Variants in RYR2 observed in about 807,000 individuals in gnomAD.
RYR2 encodes the protein ryanodine receptor 2, also known as cardiac muscle ryanodine receptor-calcium release channel.
RYR2 carries 227 observed loss-of-function variants against 601.1 expected under a neutral mutation model. That is an observed-to-expected ratio of 0.38 (90% confidence interval 0.34 to 0.42). The LOEUF (loss-of-function observed/expected upper bound fraction) is 0.42. RYR2 is among the 10% of genes least tolerant of loss of function. The probability of loss-of-function intolerance (pLI) is 1.00; values close to 1 mark genes in which losing one functional copy is unlikely to be tolerated. For missense variants in RYR2, 4,646 were observed against 6,156.5 expected, an observed-to-expected ratio of 0.75 and a Z score of 8.21; for synonymous variants, 2,223 against 2,175.1, an observed-to-expected ratio of 1.02 and a Z score of -0.61.
chr1:237,228,818 A>T (rs144989420), intron 1 of RYR2, among the ~76,000 whole-genome samples: 3 of 152,234 alleles, frequency 2.0e-5, no homozygotes, highest in African/African-American at 7.2e-5. Flanking sequence ...ATTAAGTGTT[A>T]TCAGATGCCC....
intron 24 of RYR2, among the ~76,000 whole-genome samples, chr1:237,523,292 C>T (rs1572709158): frequency 6.6e-6 from 1 of 152,074 alleles, no homozygotes; most frequent in South Asian, 2.1e-4. Flanking sequence ...AGACAGGCCA[C>T]CAGCTGGGAG....
chr1:237,397,724 CTTT>C (rs71561869), intron 10 of RYR2, among the ~76,000 whole-genome samples: 1 of 140,968 alleles, frequency 7.1e-6, no homozygotes, highest in Non-Finnish European at 1.5e-5. Context: ...AATTTGGTAT[CTTT>C]TTTTTTTTTT....
chr1:237,500,283 G>A (rs1274547919), intron 20 of RYR2, among the ~76,000 whole-genome samples: 1 of 152,154 alleles, frequency 6.6e-6, no homozygotes, highest in Non-Finnish European at 1.5e-5. Flanking sequence ...ACTAAACAAG[G>A]TGATGGTACT....
chr1:237,349,430 G>T (rs997298754), intron 3 of RYR2, among the ~76,000 whole-genome samples: 1 of 152,112 alleles, frequency 6.6e-6, no homozygotes, highest in African/African-American at 2.4e-5. Context: ...CAGGAGATGG[G>T]GTTCTTCAGG....
intron 88 of RYR2, among the ~76,000 whole-genome samples, chr1:237,780,243 T>C (rs73103907): frequency 1.8e-3 from 271 of 152,308 alleles, no homozygotes; most frequent in African/African-American, 6.2e-3. Flanking sequence ...TATGGAGTTA[T>C]TGGTGACTTC....
rs541349665 is a variant in RYR2 at position 237,454,305 on chromosome 1, G to A, written c.1293-86G>A. On this transcript the variant is annotated intron_variant, in intron 14 of 104. Transcript: ENST00000366574. ...CCTTTTACAGTGATGTAGGGAGAGAGATTAATGCCTGAAATCATCTATAAA... is the reference window on the plus strand; with the variant it reads ...CCTTTTACAGTGATGTAGGGAGAGAAATTAATGCCTGAAATCATCTATAAA... 10 of 1,362,294 alleles carry A rather than the reference G, an allele frequency of 7.3e-6. No homozygotes were observed. In the African/African-American group the frequency reaches 1.2e-4, roughly 16 times the overall value. 84.4% of individuals were successfully genotyped at this position (1,362,294 alleles called of 1,614,324 possible).
intron 27 of RYR2, among the ~76,000 whole-genome samples, chr1:237,552,865 ATAAT>A (rs1302167511): frequency 1.3e-5 from 2 of 151,972 alleles, no homozygotes; most frequent in Non-Finnish European, 2.9e-5. Flanking sequence ...ATCTTGGTAT[ATAAT>A]TAATATAATT....
chr1:237,486,162 T>C (rs749407325), intron 17 of RYR2, among the ~76,000 whole-genome samples: 4 of 152,210 alleles, frequency 2.6e-5, no homozygotes, highest in Non-Finnish European at 5.9e-5. Flanking sequence ...AGAGAAGCAA[T>C]TTTACATATA....
intron 3 of RYR2, among the ~76,000 whole-genome samples, chr1:237,347,440 A>G (rs945524274): frequency 1.3e-5 from 2 of 152,154 alleles, no homozygotes; most frequent in Non-Finnish European, 2.9e-5. Flanking sequence ...TGCTTGTTGA[A>G]ATGTAATTGA....
intron 56 of RYR2, 111 bp downstream of exon 56, chr1:237,661,058 A>G: frequency 9.3e-7 from 1 of 1,077,334 alleles, no homozygotes; most frequent in Non-Finnish European, 1.2e-6. Flanking sequence ...CTGAAGAGTC[A>G]CAAAATTTAG....
intron 50 of RYR2, 28 bp downstream of exon 50, chr1:237,650,125 C>T: frequency 1.3e-6 from 2 of 1,582,210 alleles, no homozygotes; most frequent in Non-Finnish European, 8.6e-7. Flanking sequence ...TCTATTCCGG[C>T]TTCTTCTTTA....
At position 237,445,170 on chromosome 1, in the gene RYR2, A is replaced by G. The variant is rs1436953653; in HGVS notation, c.1171-231A>G. Among the ~76,000 whole-genome samples the G allele has an allele frequency of 2.6e-5, 4 of 151,994 alleles. No homozygotes were observed. In the South Asian group the frequency reaches 6.2e-4, roughly 24 times the overall value. On this transcript the variant is annotated intron_variant, in intron 13 of 104. Coordinates refer to ENST00000366574, the MANE Select transcript of RYR2 (RefSeq NM_001035.3). The stretch of plus-strand genomic sequence containing the variant: ...CAAGACCAGCCTGGGCAACATAGCA[A>G]GACCCCATCTCAAAAAAATGAAGTA...
chr1:237,782,483 G>T (rs554222852), intron 89 of RYR2, among the ~76,000 whole-genome samples: 1 of 152,058 alleles, frequency 6.6e-6, no homozygotes, highest in Non-Finnish European at 1.5e-5. Flanking sequence ...CATACATGGC[G>T]TAACTCCACT....
chr1:237,430,279 A>G (rs985533876), intron 12 of RYR2, among the ~76,000 whole-genome samples: 12 of 151,394 alleles, frequency 7.9e-5, no homozygotes, highest in African/African-American at 2.9e-4. Flanking sequence ...ATAACAATAT[A>G]TTGATCTGGA....
At chr1:237,505,510 C>T (rs1665128603) in intron 22 of RYR2, among the ~76,000 whole-genome samples, 1 of 152,138 alleles carries the variant, frequency 6.6e-6, no homozygotes, top group Non-Finnish European at 1.5e-5. Context: ...TTAAAATAAA[C>T]ATGCAAACAT....
chr1:237,634,715 A>AT (rs1680693475), intron 43 of RYR2, among the ~76,000 whole-genome samples, 174 bp from the exon 44 acceptor site: 2 of 148,412 alleles, frequency 1.3e-5, no homozygotes, highest in Admixed American at 6.8e-5. Context: ...AATATATACA[A>AT]TTTTTATTTG....
rs1573368035 is a variant in RYR2 at position 237,655,801 on chromosome 1, TGGTCCTCCA to T, written c.7966-19_7966-11del. ...TTTGCCATATAGTAATTTTTTTTTTTGGTCCTCCATTTTTCCCAGAAATATGAACAAGAA... is the reference window on the plus strand; with the variant it reads ...TTTGCCATATAGTAATTTTTTTTTTTTTTTTCCCAGAAATATGAACAAGAA... On this transcript the variant is annotated splice_polypyrimidine_tract_variant and intron_variant, in intron 52 of 104. Coordinates refer to ENST00000366574, the MANE Select transcript of RYR2 (RefSeq NM_001035.3). The T allele has an allele frequency of 1.3e-6, 2 of 1,560,942 alleles. No individual in the cohort carries two copies. Among genetic ancestry groups the T allele is most frequent in the Non-Finnish European group, 1.7e-6 (2 of 1,156,416 alleles).
chr1:237,774,201 T>G (rs1694480929), intron 87 of RYR2, among the ~76,000 whole-genome samples: 1 of 152,058 alleles, frequency 6.6e-6, no homozygotes, highest in African/African-American at 2.4e-5. Context: ...TCACCAAAAC[T>G]TTGCTTGATG....
chr1:237,671,506 TGTGTGTGTGTGTGC>T (rs1322144099), intron 58 of RYR2, among the ~76,000 whole-genome samples: 1 of 150,616 alleles, frequency 6.6e-6, no homozygotes, highest in Non-Finnish European at 1.5e-5. Flanking sequence ...TGCCTGGGTG[TGTGTGTGTGTGTGC>T]GTGTGTGTGT....
Sources: allele counts gnomAD v4.1 joint callset (sites outside exome capture counted in the v4.1 genomes callset), GRCh38; gene constraint gnomAD v4.1.1; transcripts MANE v1.5; gene names NCBI Gene and HGNC (gene_info 2026-07-23, HGNC 2026-07-21).